The following TYW1 variants were observed in gnomAD, a reference collection of about 807,000 sequenced individuals.
The protein encoded by TYW1 is S-adenosyl-L-methionine-dependent tRNA 4-demethylwyosine synthase TYW1.
In TYW1, 46 loss-of-function variants were observed where a neutral mutation model predicts 96.2. The ratio of observed to expected loss-of-function variants is 0.48; its 90% CI spans 0.38 to 0.61. The LOEUF (loss-of-function observed/expected upper bound fraction) is 0.61. Among genes scored for constraint, TYW1 ranks in the 20% least tolerant of loss-of-function variants. The pLI is 0.00. For missense variants in TYW1, 684 were observed against 909.6 expected (o/e 0.75, Z 3.19); for synonymous variants, 274 against 323.0 (o/e 0.85, Z 1.63).
chr7:67,120,818 A>G (rs750160694), intron 13 of TYW1, among the ~76,000 whole-genome samples: 90 of 152,240 alleles, frequency 5.9e-4, no homozygotes, highest in Non-Finnish European at 7.6e-4. Flanking sequence ...GATGAATTCA[A>G]TTGTAATTAC....
chr7:67,018,910 C>T (rs1018794565), intron 6 of TYW1, among the ~76,000 whole-genome samples: 1 of 142,578 alleles, frequency 7.0e-6, no homozygotes, highest in African/African-American at 2.6e-5. Context: ...GATCTGAGAT[C>T]ATGCGACTGC....
chr7:67,238,824 A>G lies in TYW1; in HGVS notation c.*295A>G. 8.3e-7 allele frequency: 1 copy of G among 1,210,598 alleles called. No individual in the cohort carries two copies. Among genetic ancestry groups the G allele is most frequent in the Non-Finnish European group, 1.0e-6 (1 of 967,576 alleles). The allele number at this position is 1,210,598 out of a possible 1,614,324, so 75.0% of individuals were successfully genotyped here. ...ATTAGAATTTATCTGATGGTTTTGT[A>G]TTATAACTTGTAAGACCTGCCAGAA... On this transcript the variant is annotated 3_prime_UTR_variant, in exon 16 of 16. Coordinates refer to ENST00000359626, the MANE Select transcript of TYW1 (RefSeq NM_018264.4).
At chr7:67,087,347 A>G (rs1043712274) in intron 11 of TYW1, among the ~76,000 whole-genome samples, 10 of 152,234 alleles carry the variant, frequency 6.6e-5, no homozygotes, top group East Asian at 5.8e-4. Context: ...TGGTTTGTCT[A>G]TGGGTTCTTA....
At chr7:67,228,840 C>G (rs1801649399) in intron 15 of TYW1, among the ~76,000 whole-genome samples, 1 of 152,154 alleles carries the variant, frequency 6.6e-6, no homozygotes, top group Non-Finnish European at 1.5e-5. Flanking sequence ...CAAGTTTTTT[C>G]TTTGTGACAT....
At chr7:67,136,831 T>A (rs1377840265) in intron 13 of TYW1, among the ~76,000 whole-genome samples, 1 of 152,166 alleles carries the variant, frequency 6.6e-6, no homozygotes, top group African/African-American at 2.4e-5. Flanking sequence ...TTTCTTTTTT[T>A]TCTTTTTTTG....
intron 13 of TYW1, among the ~76,000 whole-genome samples, chr7:67,136,653 G>A (rs1375276228): frequency 7.1e-5 from 1 of 14,128 alleles, no homozygotes; most frequent in Non-Finnish European, 1.2e-4. Flanking sequence ...TACAGTGCGT[G>A]TGTGTGTGTG....
At chr7:67,096,069 C>T (rs1411873018) in intron 11 of TYW1, among the ~76,000 whole-genome samples, 1 of 152,166 alleles carries the variant, frequency 6.6e-6, no homozygotes, top group African/African-American at 2.4e-5. Flanking sequence ...ACTTACCATT[C>T]ACAGGTAAGA....
intron 13 of TYW1, among the ~76,000 whole-genome samples, chr7:67,150,216 G>C (rs1159557076): frequency 6.6e-6 from 1 of 152,112 alleles, no homozygotes; most frequent in Admixed American, 6.6e-5. Context: ...CTGAGGACAG[G>C]GATTAGAGGA....
chr7:67,166,017 A>G lies in TYW1; in HGVS notation c.1699-17109A>G, dbSNP rs186768089. Among the ~76,000 whole-genome samples the G allele has an allele frequency of 7.9e-3, 1,205 of 152,274 alleles. 27 individuals are homozygous for G. The highest frequency in any genetic ancestry group is 6.1e-3 in the Non-Finnish European group (413 of 68,012). ...CACTTTGGGAGGCCAAGGTGGGTGG[A>G]TCACTTGAGGCCAGGAGTTTGAGAC... On this transcript the variant is annotated intron_variant, in intron 13 of 15. Coordinates refer to ENST00000359626, the MANE Select transcript of TYW1 (RefSeq NM_018264.4).
intron 4 of TYW1, 62 bp from the exon 5 acceptor site, chr7:67,014,305 T>C: frequency 1.3e-6 from 2 of 1,521,772 alleles, no homozygotes; most frequent in Non-Finnish European, 1.8e-6. Flanking sequence ...TTCAAAGGAT[T>C]TTCTTCATTG....
At chr7:67,195,523 T>C (rs1475553018) in intron 15 of TYW1, among the ~76,000 whole-genome samples, 186 bp downstream of exon 15, 1 of 152,150 alleles carries the variant, frequency 6.6e-6, no homozygotes, top group Non-Finnish European at 1.5e-5. Context: ...CCATGTGAAA[T>C]TGCTTCTTGT....
chr7:67,028,281 C>A (rs1794526248), intron 7 of TYW1, among the ~76,000 whole-genome samples: 1 of 150,502 alleles, frequency 6.6e-6, no homozygotes, highest in East Asian at 2.0e-4. Flanking sequence ...GGTGCCGTGG[C>A]TCACGCCTGT....
intron 12 of TYW1, among the ~76,000 whole-genome samples, chr7:67,099,170 C>T (rs35205608): frequency 2.6e-5 from 4 of 151,862 alleles, no homozygotes; most frequent in Non-Finnish European, 4.4e-5. Flanking sequence ...GGTCTACAGG[C>T]GCCTGGCACC....
chr7:67,195,393 TC>T, intron 15 of TYW1, 56 bp downstream of exon 15: 1 of 1,604,098 alleles, frequency 6.2e-7, no homozygotes, highest in Non-Finnish European at 8.5e-7. Flanking sequence ...GTTCTTTCCT[TC>T]TCTTCTCTCT....
intron 10 of TYW1, among the ~76,000 whole-genome samples, chr7:67,071,367 G>T (rs1211945869): frequency 6.7e-6 from 1 of 149,922 alleles, no homozygotes; most frequent in Non-Finnish European, 1.5e-5. Context: ...TGAGCTCATG[G>T]AGCCAAAGAA....
intron 15 of TYW1, among the ~76,000 whole-genome samples, chr7:67,221,382 G>C (rs377064340): frequency 1.3e-5 from 2 of 152,020 alleles, no homozygotes. Context: ...TTGTATCTTT[G>C]GGTTCAAAGC....
chr7:67,225,831 G>A (rs1156681687), intron 15 of TYW1, among the ~76,000 whole-genome samples: 1 of 148,668 alleles, frequency 6.7e-6, no homozygotes, highest in Admixed American at 6.7e-5. Flanking sequence ...TATGGTTATA[G>A]TTTTGTCTGT....
chr7:67,155,739 GT>G (rs1210960369), intron 13 of TYW1, among the ~76,000 whole-genome samples: 5 of 152,228 alleles, frequency 3.3e-5, no homozygotes, highest in Admixed American at 2.6e-4. Context: ...TTCTTTTATA[GT>G]GGTGCAAATG....
At chr7:67,006,329 G>A (rs1793586427) in intron 3 of TYW1, among the ~76,000 whole-genome samples, 1 of 151,934 alleles carries the variant, frequency 6.6e-6, no homozygotes, top group African/African-American at 2.4e-5. Flanking sequence ...GCTCCCTGAG[G>A]CCTCCTCAGA....
Sources: allele counts gnomAD v4.1 joint callset (sites outside exome capture counted in the v4.1 genomes callset), GRCh38; gene constraint gnomAD v4.1.1; transcripts MANE v1.5; gene names NCBI Gene and HGNC (gene_info 2026-07-23, HGNC 2026-07-21).